Variants in SRGAP3 observed in about 807,000 individuals in gnomAD.
The protein encoded by SRGAP3 is SLIT-ROBO Rho GTPase activating protein 3.
In SRGAP3, 39 loss-of-function variants were observed where a neutral mutation model predicts 121.1. That is an observed-to-expected ratio of 0.32 (90% CI 0.25 to 0.42). The LOEUF (loss-of-function observed/expected upper bound fraction) is 0.42, where lower values mean the gene tolerates loss of function less well. SRGAP3 is among the 10% of genes least tolerant of loss of function. SRGAP3 has a pLI of 1.00. For synonymous variants in SRGAP3, 601 were observed against 570.0 expected, an observed-to-expected ratio of 1.05 and a Z score of -0.77; for missense variants, 1,213 against 1,470.6, an observed-to-expected ratio of 0.82 and a Z score of 2.86.
chr3:9,158,294 T>C (rs977638927), intron 1 of SRGAP3, among the ~76,000 whole-genome samples: 2 of 151,970 alleles, frequency 1.3e-5, no homozygotes, highest in African/African-American at 2.4e-5. Flanking sequence ...AGATTGGAGG[T>C]CTTATTAGCC....
upstream of SRGAP3, among the ~76,000 whole-genome samples, chr3:9,250,736 G>A (rs1953992041): frequency 6.6e-6 from 1 of 152,144 alleles, no homozygotes; most frequent in Non-Finnish European, 1.5e-5. Flanking sequence ...ACAGACAAAG[G>A]AGCAGAGGCT....
intron 12 of SRGAP3, among the ~76,000 whole-genome samples, chr3:9,031,588 G>T (rs1306628304): frequency 6.6e-6 from 1 of 152,104 alleles, no homozygotes; most frequent in Non-Finnish European, 1.5e-5. Context: ...GACAGTCCTG[G>T]GACCCAGGCT....
At chr3:9,225,111 T>C (rs1008160351) in intron 1 of SRGAP3, among the ~76,000 whole-genome samples, 3 of 152,196 alleles carry the variant, frequency 2.0e-5, no homozygotes, top group Non-Finnish European at 4.4e-5. Context: ...TTCAGTTCTC[T>C]GTCTCTCACC....
At chr3:9,027,969 G>A in intron 12 of SRGAP3, 1 of 1,060,972 alleles carries the variant, frequency 9.4e-7, no homozygotes, top group Middle Eastern at 2.1e-4. Flanking sequence ...TTCCTTGATT[G>A]ACTGTGCCCA....
upstream of SRGAP3, among the ~76,000 whole-genome samples, chr3:9,252,375 C>G (rs1054851466): frequency 6.6e-6 from 1 of 152,032 alleles, no homozygotes; most frequent in Non-Finnish European, 1.5e-5. Flanking sequence ...CTCAGCCTCC[C>G]GAAGTACTGG....
intron 3 of SRGAP3, among the ~76,000 whole-genome samples, chr3:9,092,744 A>G (rs1947808040): frequency 6.6e-6 from 1 of 152,232 alleles, no homozygotes; most frequent in Non-Finnish European, 1.5e-5. Flanking sequence ...TCTGCTTTAG[A>G]TCATCATAAA....
intron 1 of SRGAP3, among the ~76,000 whole-genome samples, chr3:9,182,176 A>AAAATC (rs1491574873): frequency 5.6e-5 from 2 of 35,998 alleles, no homozygotes; most frequent in Non-Finnish European, 1.5e-4. Context: ...ACTCTGTCTC[A>AAAATC]AAAAAAAAAA....
At chr3:9,102,662 G>T (rs1303778722) in intron 3 of SRGAP3, among the ~76,000 whole-genome samples, 1 of 152,254 alleles carries the variant, frequency 6.6e-6, no homozygotes, top group Non-Finnish European at 1.5e-5. Context: ...AAGCCCCTGT[G>T]GGCTGGGTTG....
intron 1 of SRGAP3, among the ~76,000 whole-genome samples, chr3:9,179,116 A>G (rs769531620): frequency 1.3e-5 from 2 of 152,144 alleles, no homozygotes; most frequent in African/African-American, 4.8e-5. Context: ...TCAGGACACC[A>G]TCTCTTCTTG....
At chr3:9,360,546 C>T (rs13316556) in intron 1 of SRGAP3, among the ~76,000 whole-genome samples, 5,892 of 152,158 alleles carry the variant, frequency 0.039, 267 homozygotes, top group African/African-American at 0.11. Context: ...AGAGACATAC[C>T]CAAGACTGGG....
intron 1 of SRGAP3, among the ~76,000 whole-genome samples, chr3:9,139,070 A>G (rs1949762630): frequency 1.3e-5 from 2 of 152,236 alleles, no homozygotes; most frequent in African/African-American, 4.8e-5. Flanking sequence ...TGTGTCTCCC[A>G]GCTGCTTGGC....
intron 3 of SRGAP3, among the ~76,000 whole-genome samples, chr3:9,266,939 A>C (rs1418719363): frequency 6.6e-6 from 1 of 152,124 alleles, no homozygotes; most frequent in East Asian, 1.9e-4. Context: ...CCTCTGTCTA[A>C]TGTTGGAAGA....
chr3:8,988,125 C>G (rs1218918513), intron 21 of SRGAP3, among the ~76,000 whole-genome samples: 1 of 152,158 alleles, frequency 6.6e-6, no homozygotes, highest in Non-Finnish European at 1.5e-5. Context: ...AGAGGTGGCG[C>G]TGTGAGTCTC....
At chr3:9,036,486 A>C (rs1481757007) in intron 11 of SRGAP3, 1 of 152,240 alleles carries the variant, frequency 6.6e-6, no homozygotes, top group African/African-American at 2.4e-5. Context: ...AGGTCTGATA[A>C]ACTCAGCTTG....
chr3:9,286,597 G>C (rs569602446), intron 3 of SRGAP3, among the ~76,000 whole-genome samples: 1 of 152,178 alleles, frequency 6.6e-6, no homozygotes, highest in African/African-American at 2.4e-5. Context: ...TTTTGTTTTT[G>C]TCGTTGTTGT....
At chr3:9,359,485 G>A (rs2030686598) in intron 1 of SRGAP3, among the ~76,000 whole-genome samples, 1 of 152,180 alleles carries the variant, frequency 6.6e-6, no homozygotes, top group Non-Finnish European at 1.5e-5. Context: ...TCATGATTGA[G>A]GCATGGACAA....
At chr3:9,297,519 GAGAC>G (rs1205294263) in intron 3 of SRGAP3, among the ~76,000 whole-genome samples, 1 of 151,998 alleles carries the variant, frequency 6.6e-6, no homozygotes, top group Non-Finnish European at 1.5e-5. Flanking sequence ...ACTAAATTTG[GAGAC>G]AGAGTCTTTT....
At chr3:9,006,410 A>AAAG (rs1297112569) in intron 18 of SRGAP3, among the ~76,000 whole-genome samples, 3 of 151,468 alleles carry the variant, frequency 2.0e-5, no homozygotes, top group African/African-American at 7.3e-5. Flanking sequence ...AAAAAAAAAA[A>AAAG]AAAAGAAAAG....
At chr3:9,359,637 C>T (rs186158614) in intron 1 of SRGAP3, among the ~76,000 whole-genome samples, 22 of 152,252 alleles carry the variant, frequency 1.4e-4, no homozygotes, top group African/African-American at 2.2e-4. Context: ...AGATGCCTTA[C>T]GACCACAATC....
Sources: gnomAD v4.1 joint callset for allele counts (sites outside exome capture counted in the v4.1 genomes callset) on GRCh38, gnomAD v4.1.1 for gene constraint, MANE v1.5 for transcripts, NCBI Gene and HGNC (gene_info 2026-07-23, HGNC 2026-07-21) for gene names.